PCYT1B: variants seen among roughly 807,000 people sequenced by gnomAD.
The protein encoded by PCYT1B is choline-phosphate cytidylyltransferase B.
PCYT1B carries 10 observed loss-of-function variants against 26.4 expected under a neutral mutation model. That is an observed-to-expected ratio of 0.38 (90% CI 0.23 to 0.64). The LOEUF is 0.64. Among genes scored for constraint, PCYT1B ranks in the 30% least tolerant of loss-of-function variants. The probability of loss-of-function intolerance (pLI) is 0.56; values close to 1 mark genes in which losing one functional copy is unlikely to be tolerated. For missense variants in PCYT1B, 161 were observed against 292.7 expected, an observed-to-expected ratio of 0.55 and a Z score of 3.28; for synonymous variants, 131 against 108.4, an observed-to-expected ratio of 1.21 and a Z score of -1.29.
At chrX:24,643,019 C>T (rs1926513329) in intron 1 of PCYT1B, among the ~76,000 whole-genome samples, 1 of 111,859 alleles carries the variant, frequency 8.9e-6, no homozygotes, top group South Asian at 3.7e-4. Context: ...TCAGTTGATC[C>T]ATAGTATATC....
intron 1 of PCYT1B, among the ~76,000 whole-genome samples, chrX:24,646,273 C>G (rs967552114): frequency 5.4e-5 from 6 of 111,121 alleles, no homozygotes; most frequent in Non-Finnish European, 1.1e-4. Flanking sequence ...AGAGCAGTTA[C>G]GGTGCAGTTA....
chrX:24,615,750 T>C (rs1925469847), intron 2 of PCYT1B, among the ~76,000 whole-genome samples: 1 of 111,970 alleles, frequency 8.9e-6, no homozygotes, highest in African/African-American at 3.2e-5. Flanking sequence ...AAATATTTAT[T>C]GACCGCAGCG....
intron 1 of PCYT1B, among the ~76,000 whole-genome samples, chrX:24,663,949 C>T (rs1569260644): frequency 9.0e-6 from 1 of 110,715 alleles, no homozygotes; most frequent in African/African-American, 3.3e-5. Flanking sequence ...CAAAACAAAA[C>T]ACACAGCAAA....
chrX:24,574,866 G>A (rs1353700433), intron 7 of PCYT1B, among the ~76,000 whole-genome samples: 1 of 112,242 alleles, frequency 8.9e-6, no homozygotes, highest in Non-Finnish European at 1.9e-5. Flanking sequence ...AGACACTCAA[G>A]TGATCACCAG....
At chrX:24,602,870 C>T (rs2148243257) in intron 3 of PCYT1B, among the ~76,000 whole-genome samples, 1 of 111,250 alleles carries the variant, frequency 9.0e-6, no homozygotes, top group Admixed American at 9.7e-5. Context: ...GTGGTACAAT[C>T]TCAGCTCCCT....
At chrX:24,584,985 G>A in intron 5 of PCYT1B, among the ~76,000 whole-genome samples, 1 of 112,185 alleles carries the variant, frequency 8.9e-6, no homozygotes, top group East Asian at 2.8e-4. Context: ...CAGAGGCTGA[G>A]TAGACTCAGG....
Position 24,593,441 on chromosome X carries a change from C to CTTTTCT in PCYT1B, c.335-3268_335-3267insAGAAAA, listed in dbSNP as rs1555958090. Among the ~76,000 whole-genome samples, 266 of 56,728 alleles carry CTTTTCT rather than the reference C, an allele frequency of 4.7e-3. 2 individuals carry two copies. The highest frequency in any genetic ancestry group is 6.2e-3 in the African/African-American group (82 of 13,163). The allele number at this position is 56,728 out of a possible 115,157, so 49.3% of individuals were successfully genotyped here. ...CTCTCTTTCTTTCTTTCCTTTCTTT[C>CTTTTCT]TTTCTTTTCTTTTCTTTTCTTTTCT... is the stretch of plus-strand genomic sequence containing the variant. On this transcript the variant is annotated intron_variant, in intron 3 of 7. Transcript: ENST00000379144.
chrX:24,644,581 C>T (rs1926564276), intron 1 of PCYT1B, among the ~76,000 whole-genome samples: 1 of 111,186 alleles, frequency 9.0e-6, no homozygotes, highest in Non-Finnish European at 1.9e-5. Context: ...CGGTGTAGAG[C>T]TCTGGGTTCA....
chrX:24,589,592 T>G (rs188511644), intron 4 of PCYT1B, among the ~76,000 whole-genome samples: 1 of 112,016 alleles, frequency 8.9e-6, no homozygotes, highest in Non-Finnish European at 1.9e-5. Context: ...ACGGTGGTGA[T>G]GGTGGTGACA....
intron 7 of PCYT1B, among the ~76,000 whole-genome samples, chrX:24,572,620 T>G (rs1923868624): frequency 9.0e-6 from 1 of 111,672 alleles, no homozygotes. Flanking sequence ...AATAGCATAT[T>G]CATGAAAAGC....
chrX:24,671,212 C>T (rs1430792553), intron 1 of PCYT1B, among the ~76,000 whole-genome samples: 3 of 110,915 alleles, frequency 2.7e-5, no homozygotes, highest in Admixed American at 9.7e-5. Flanking sequence ...TCAAGTGATT[C>T]GCCTGCCTAG....
chrX:24,573,474 G>C (rs1044716400), intron 7 of PCYT1B, among the ~76,000 whole-genome samples: 3 of 111,242 alleles, frequency 2.7e-5, no homozygotes, highest in Non-Finnish European at 3.8e-5. Flanking sequence ...TCCAAGTGGA[G>C]AAAACATCCA....
intron 1 of PCYT1B, among the ~76,000 whole-genome samples, chrX:24,637,429 G>A (rs550966716): frequency 1.9e-4 from 18 of 96,113 alleles, no homozygotes; most frequent in Middle Eastern, 5.2e-3. Context: ...GTCACTTGAG[G>A]TCAGGACTTC....
intron 1 of PCYT1B, among the ~76,000 whole-genome samples, chrX:24,636,337 G>A (rs1228125290): frequency 2.7e-5 from 3 of 112,545 alleles, no homozygotes; most frequent in Non-Finnish European, 5.6e-5. Flanking sequence ...TATCAGCCAG[G>A]AACAGTGGCT....
chrX:24,630,941 G>C (rs1347322492), intron 1 of PCYT1B, among the ~76,000 whole-genome samples: 2 of 111,135 alleles, frequency 1.8e-5, no homozygotes, highest in Non-Finnish European at 3.8e-5. Context: ...GTTTGTTTTT[G>C]AGACGGAGTC....
At chrX:24,664,967 T>C (rs1248552581) in intron 1 of PCYT1B, among the ~76,000 whole-genome samples, 1 of 111,078 alleles carries the variant, frequency 9.0e-6, no homozygotes, top group Non-Finnish European at 1.9e-5. Context: ...AAAAAAAAAT[T>C]AAAATTAAAA....
chrX:24,647,261 G>T lies in PCYT1B; in HGVS notation c.-156C>A. On this transcript the variant is annotated 5_prime_UTR_variant, in exon 1 of 8. Coordinates refer to ENST00000379144, the MANE Select transcript of PCYT1B (RefSeq NM_004845.5). ...TGTCTTCCCTAGGGGAAGTAAAGAGGTTACCCCCCGCCCCTCTCTCTCTCT... is the reference window on the plus strand; with the variant it reads ...TGTCTTCCCTAGGGGAAGTAAAGAGTTTACCCCCCGCCCCTCTCTCTCTCT... 1 of 977,116 alleles carries T rather than the reference G, an allele frequency of 1.0e-6. No homozygotes were observed. Among genetic ancestry groups the T allele is most frequent in the Non-Finnish European group, 1.3e-6 (1 of 776,906 alleles). 80.5% of individuals were successfully genotyped at this position (977,116 alleles called of 1,213,427 possible).
intron 1 of PCYT1B, among the ~76,000 whole-genome samples, chrX:24,620,361 C>T (rs1925662730): frequency 8.9e-6 from 1 of 111,761 alleles, no homozygotes; most frequent in Non-Finnish European, 1.9e-5. Context: ...ATTGCAGTCC[C>T]TTCCACCCTA....
chrX:24,622,798 G>A (rs1391669012), intron 1 of PCYT1B, among the ~76,000 whole-genome samples: 1 of 111,918 alleles, frequency 8.9e-6, no homozygotes, highest in Non-Finnish European at 1.9e-5. Context: ...CCTGTGAGCT[G>A]AGGAAACCCT....
Sources: gnomAD v4.1 joint callset for allele counts (sites outside exome capture counted in the v4.1 genomes callset) on GRCh38, gnomAD v4.1.1 for gene constraint, MANE v1.5 for transcripts, NCBI Gene and HGNC (gene_info 2026-07-23, HGNC 2026-07-21) for gene names.